The following ATR variants were observed in gnomAD, a reference collection of about 807,000 sequenced individuals.
ATR encodes the protein ATR checkpoint kinase.
In ATR, 142 loss-of-function variants were observed where a neutral mutation model predicts 305.3. The observed-to-expected ratio is 0.47, with a 90% CI of 0.41 to 0.53. The LOEUF (loss-of-function observed/expected upper bound fraction) is 0.53, where lower values mean the gene tolerates loss of function less well. ATR is among the 20% of genes least tolerant of loss of function. The pLI, the probability that ATR is intolerant of heterozygous loss-of-function variation, is 0.00. For synonymous variants in ATR, 1,050 were observed against 1,068.1 expected (o/e 0.98, Z 0.33); for missense variants, 2,135 against 3,133.1 (o/e 0.68, Z 7.60).
intron 21 of ATR, among the ~76,000 whole-genome samples, 176 bp downstream of exon 21, chr3:142,534,904 T>C (rs1231031933): frequency 6.6e-6 from 1 of 152,130 alleles, no homozygotes; most frequent in Non-Finnish European, 1.5e-5. Context: ...ATCCCTAAGA[T>C]TCAAGCTCAA....
intron 24 of ATR, among the ~76,000 whole-genome samples, chr3:142,516,166 G>T (rs1227472348): frequency 6.6e-6 from 1 of 152,082 alleles, no homozygotes; most frequent in Admixed American, 6.6e-5. Context: ...ACCCTGCTAA[G>T]CTCTCCTGAT....
chr3:142,459,533 C>T (rs1043547516), intron 42 of ATR, 150 bp from the exon 43 acceptor site: 3 of 864,134 alleles, frequency 3.5e-6, no homozygotes, highest in Admixed American at 5.1e-5. Context: ...ATTAAGCATA[C>T]ATAAAGTTAC....
At chr3:142,511,191 AG>A (rs2032538599) in intron 27 of ATR, among the ~76,000 whole-genome samples, 1 of 151,524 alleles carries the variant, frequency 6.6e-6, no homozygotes, top group African/African-American at 2.4e-5. Context: ...CAAAGAACAG[AG>A]TACACACATA....
chr3:142,528,877 A>ATTTTTTTTTTTTT lies in ATR; in HGVS notation c.3946-4679_3946-4678insAAAAAAAAAAAAA, dbSNP rs201313146. On this transcript the variant is annotated intron_variant, in intron 21 of 46. Transcript: ENST00000350721. Reference sequence around the variant, plus strand: ...ATCATATATATATATATATATATATATATTTTTTTTTTTTTTTTTTTTTTG... The same window carrying ATTTTTTTTTTTTT: ...ATCATATATATATATATATATATATATTTTTTTTTTTTTTATTTTTTTTTTTTTTTTTTTTTTG... Among the ~76,000 whole-genome samples the ATTTTTTTTTTTTT allele has an allele frequency of 8.4e-5, 4 of 47,698 alleles. 2 individuals carry two copies. The highest frequency in any genetic ancestry group is 1.4e-4 in the Non-Finnish European group (4 of 29,024). 31.3% of individuals were successfully genotyped at this position (47,698 alleles called of 152,430 possible).
intron 5 of ATR, 84 bp downstream of exon 5, chr3:142,561,159 A>G: frequency 3.5e-6 from 5 of 1,446,306 alleles, no homozygotes; most frequent in Admixed American, 1.7e-5. Flanking sequence ...TATTTAAATC[A>G]AAGCACTTAA....
intron 28 of ATR, among the ~76,000 whole-genome samples, 187 bp downstream of exon 28, chr3:142,507,744 G>T (rs1195758093): frequency 6.6e-6 from 1 of 152,054 alleles, no homozygotes; most frequent in East Asian, 1.9e-4. Flanking sequence ...TGAGTTAAGT[G>T]TCCTTCCTCA....
intron 23 of ATR, 38 bp from the exon 24 acceptor site, chr3:142,519,822 A>T: frequency 7.1e-7 from 1 of 1,408,880 alleles, no homozygotes; most frequent in Non-Finnish European, 1.0e-6. Flanking sequence ...GTCCACAGTG[A>T]AGCAGATAAC....
At chr3:142,534,229 T>A (rs1407962656) in intron 21 of ATR, among the ~76,000 whole-genome samples, 1 of 152,126 alleles carries the variant, frequency 6.6e-6, no homozygotes, top group African/African-American at 2.4e-5. Context: ...GCTGTAACGT[T>A]GATAATGCAC....
At chr3:142,561,503 A>G (rs2034878012) in intron 4 of ATR, 82 bp from the exon 5 acceptor site, 4 of 1,404,904 alleles carry the variant, frequency 2.8e-6, no homozygotes, top group Non-Finnish European at 3.9e-6. Flanking sequence ...AATGTATTAG[A>G]TGTTAGGTGT....
intron 21 of ATR, among the ~76,000 whole-genome samples, chr3:142,532,099 C>T (rs958228358): frequency 9.9e-5 from 15 of 152,020 alleles, no homozygotes; most frequent in African/African-American, 3.1e-4. Context: ...TGGGCTGCAC[C>T]CACTGTCCTG....
chr3:142,531,303 G>T (rs890308276), intron 21 of ATR, among the ~76,000 whole-genome samples: 2 of 151,480 alleles, frequency 1.3e-5, no homozygotes, highest in African/African-American at 4.9e-5. Context: ...TGTACACAAC[G>T]TGCAGGTTTG....
At position 142,466,521 on chromosome 3, in the gene ATR, T is replaced by C; in HGVS notation, c.6700A>G (p.Ser2234Gly). ...TGAGTGCTCATGCTTAATGTGGAACTACTTCCATCAACCTGAAAAAATAAA... is the reference window on the plus strand; with the variant it reads ...TGAGTGCTCATGCTTAATGTGGAACCACTTCCATCAACCTGAAAAAATAAA... Reference protein sequence around the residue: ...ELCNKPVDGSSSTLSMSTHFK... With the variant: ...ELCNKPVDGSGSTLSMSTHFK... The change falls in exon 40 of 47, where the codon AGT becomes GGT. Residue 2234 changes from serine to glycine, a missense_variant. Ser to Gly is a moderately conservative substitution (Grantham distance 56). Transcript: ENST00000350721. 3 of 1,613,414 alleles carry C rather than the reference T, an allele frequency of 1.9e-6. No individual in the cohort carries two copies. Among genetic ancestry groups the C allele is most frequent in the African/African-American group, 2.7e-5 (2 of 75,054 alleles).
Position 142,568,147 on chromosome 3 carries a change from G to A in ATR, c.67C>T (p.Pro23Ser). ...TGTACAACTGTATTATATTCCTCTG[G>A]TGTGGCACTAAAATACAAATTAAAA... ...PALRELGSAT[P>S]EEYNTVVQKP... Residue 23 changes from proline (P) to serine (S), a missense_variant, in exon 2 of 47, where the codon CCA becomes TCA. Coordinates refer to ENST00000350721, the MANE Select transcript of ATR (RefSeq NM_001184.4). 11 of 1,610,740 alleles carry A rather than the reference G, an allele frequency of 6.8e-6. No homozygotes were observed. The highest frequency in any genetic ancestry group is 8.5e-6 in the Non-Finnish European group (10 of 1,177,364).
At chr3:142,479,129 T>C (rs201446535) in intron 36 of ATR, among the ~76,000 whole-genome samples, 1 of 151,996 alleles carries the variant, frequency 6.6e-6, no homozygotes, top group African/African-American at 2.4e-5. Flanking sequence ...ATCCTCTCAG[T>C]ATGATGTTAG....
At position 142,555,911 on chromosome 3, in the gene ATR, T is replaced by C. The variant is rs752845514; in HGVS notation, c.2307A>G (p.Leu769=). The change falls in exon 10 of 47, where the codon CTA becomes CTG. Residue 769 remains leucine (L), a synonymous_variant. Coordinates refer to ENST00000350721, the MANE Select transcript of ATR (RefSeq NM_001184.4). ...CTGGACTAGGTATTTTTTTTTTCAG[T>C]AGGAAAAGGAATGGCTTGCAGACAG... ...KASVCKPFLF[L]LKKKIPSPVK... The C allele has an allele frequency of 1.9e-6, 3 of 1,609,504 alleles. No homozygotes were observed. The highest frequency in any genetic ancestry group is 8.5e-7 in the Non-Finnish European group (1 of 1,178,860).
chr3:142,518,177 C>T (rs2032988550), intron 24 of ATR, among the ~76,000 whole-genome samples: 1 of 152,120 alleles, frequency 6.6e-6, no homozygotes, highest in South Asian at 2.1e-4. Flanking sequence ...ATGGAGTCCT[C>T]AAAAATGAAA....
chr3:142,578,690 G>T lies in ATR; in HGVS notation c.15C>A (p.Gly5=). 2.5e-6 allele frequency: 4 copies of T among 1,613,396 alleles called. No individual in the cohort carries two copies. The highest frequency in any genetic ancestry group is 2.5e-6 in the Non-Finnish European group (3 of 1,179,792). The change falls in exon 1 of 47, where the codon GGC becomes GGA. Residue 5 remains glycine, a synonymous_variant. Transcript: ENST00000350721. ...CGGGGATCATGGAAGCCAGCTCCAG[G>T]CCATGTTCCCCCATGCTGAGGCTGC... MGEH[G]LELASMIPAL...
chr3:142,461,215 T>G (rs2071018697), intron 42 of ATR, among the ~76,000 whole-genome samples: 1 of 152,148 alleles, frequency 6.6e-6, no homozygotes, highest in South Asian at 2.1e-4. Context: ...TCAAATAACC[T>G]GTTTCTCATC....
At chr3:142,478,303 T>C (rs897215161) in intron 36 of ATR, among the ~76,000 whole-genome samples, 25 of 152,250 alleles carry the variant, frequency 1.6e-4, no homozygotes, top group African/African-American at 5.8e-4. Flanking sequence ...TTGTTCTCGT[T>C]GGTTTCAAAG....
Sources: allele counts gnomAD v4.1 joint callset (sites outside exome capture counted in the v4.1 genomes callset), GRCh38; gene constraint gnomAD v4.1.1; transcripts MANE v1.5; gene names NCBI Gene and HGNC (gene_info 2026-07-23, HGNC 2026-07-21).